Variants in CFAP47 observed in about 807,000 individuals in gnomAD.
CFAP47 encodes cilia- and flagella-associated protein 47.
Under a neutral mutation model 148.1 loss-of-function variants are expected in CFAP47, and 29 were observed. The ratio of observed to expected loss-of-function variants is 0.20; its 90% CI spans 0.15 to 0.27. The LOEUF (loss-of-function observed/expected upper bound fraction) is 0.27, where lower values mean the gene tolerates loss of function less well. Ranked by LOEUF, CFAP47 falls within the 10% of genes least tolerant of loss-of-function variation. CFAP47 has a pLI of 1.00. For missense variants in CFAP47, 1,872 were observed against 1,697.5 expected, an observed-to-expected ratio of 1.10 and a Z score of -1.81; for synonymous variants, 664 against 577.3, an observed-to-expected ratio of 1.15 and a Z score of -2.15.
At chrX:36,296,142 G>T (rs1312534188) in intron 51 of CFAP47, among the ~76,000 whole-genome samples, 1 of 111,545 alleles carries the variant, frequency 9.0e-6, no homozygotes, top group Non-Finnish European at 1.9e-5. Flanking sequence ...CATGGATATT[G>T]CAAGGATGCC....
intron 8 of CFAP47, among the ~76,000 whole-genome samples, chrX:35,960,237 G>C (rs1010360794): frequency 2.8e-5 from 3 of 107,244 alleles, no homozygotes; most frequent in African/African-American, 1.0e-4. Flanking sequence ...ACTGCGCCCG[G>C]CCTGTAATTA....
rs185309896 is a variant in CFAP47 at position 35,945,111 on chromosome X, G to C, written c.518-3203G>C. Reference sequence around the variant, plus strand: ...CATCATTTACTATCTGGGAGGCCCTGGGTAAGGAATTTGCACTTCCAAAAC... The same window carrying C: ...CATCATTTACTATCTGGGAGGCCCTCGGTAAGGAATTTGCACTTCCAAAAC... On this transcript the variant is annotated intron_variant, in intron 3 of 63. Coordinates refer to ENST00000378653, the MANE Select transcript of CFAP47 (RefSeq NM_001304548.2). Among the ~76,000 whole-genome samples the C allele has an allele frequency of 3.4e-4, 38 of 111,483 alleles. 2 individuals carry two copies. The Admixed American group carries it at 3.5e-3, about 10-fold the overall frequency.
intron 56 of CFAP47, among the ~76,000 whole-genome samples, chrX:36,315,697 C>A (rs1246790064): frequency 2.7e-5 from 3 of 111,793 alleles, no homozygotes; most frequent in East Asian, 5.6e-4. Flanking sequence ...CTATGGATGA[C>A]AGGAAGTGGT....
At chrX:36,122,640 C>G (rs867571507) in intron 33 of CFAP47, among the ~76,000 whole-genome samples, 1 of 111,681 alleles carries the variant, frequency 9.0e-6, no homozygotes, top group Middle Eastern at 4.6e-3. Context: ...CAGAATTCTA[C>G]TTGATTCTTT....
At chrX:35,938,613 A>ATG (rs1935952463) in intron 2 of CFAP47, among the ~76,000 whole-genome samples, 1 of 111,532 alleles carries the variant, frequency 9.0e-6, no homozygotes, top group Non-Finnish European at 1.9e-5. Context: ...CTTATTGCTT[A>ATG]TGTGAATCCC....
At chrX:36,118,061 A>T (rs1938672309) in intron 33 of CFAP47, among the ~76,000 whole-genome samples, 1 of 111,160 alleles carries the variant, frequency 9.0e-6, no homozygotes, top group African/African-American at 3.3e-5. Context: ...AGATATGTGG[A>T]TTTGTTTCTG....
At chrX:36,077,967 T>A (rs766979241) in intron 29 of CFAP47, among the ~76,000 whole-genome samples, 1 of 110,210 alleles carries the variant, frequency 9.1e-6, no homozygotes, top group South Asian at 3.9e-4. Flanking sequence ...AGGCGGAGGT[T>A]GCAGTGAGCT....
chrX:35,922,803 A>G (rs1207759677), intron 1 of CFAP47, among the ~76,000 whole-genome samples: 1 of 112,432 alleles, frequency 8.9e-6, no homozygotes, highest in Non-Finnish European at 1.9e-5. Flanking sequence ...ATCATTTTCA[A>G]CATAACCTCC....
intron 8 of CFAP47, among the ~76,000 whole-genome samples, chrX:35,958,671 A>G (rs1159472455): frequency 1.8e-5 from 2 of 111,876 alleles, no homozygotes; most frequent in East Asian, 5.6e-4. Context: ...GTCCATTTGT[A>G]TATTTTCTTT....
intron 29 of CFAP47, among the ~76,000 whole-genome samples, chrX:36,075,121 A>G (rs930034529): frequency 2.7e-5 from 3 of 111,355 alleles, no homozygotes; most frequent in Non-Finnish European, 5.7e-5. Flanking sequence ...ATTTACTTTA[A>G]ATAGATGCCC....
chrX:36,173,031 A>G (rs375654655), intron 39 of CFAP47, among the ~76,000 whole-genome samples: 19 of 110,067 alleles, frequency 1.7e-4, no homozygotes, highest in Non-Finnish European at 2.3e-4. Context: ...GTCTTGGGAG[A>G]GTGTATGTGT....
At chrX:36,189,208 C>G (rs1555986130) in intron 41 of CFAP47, among the ~76,000 whole-genome samples, 1 of 111,244 alleles carries the variant, frequency 9.0e-6, no homozygotes, top group Admixed American at 9.6e-5. Flanking sequence ...ATGGTTATCT[C>G]TCATACATCT....
chrX:36,005,701 A>AG (rs1379084753), intron 21 of CFAP47, among the ~76,000 whole-genome samples: 1 of 112,046 alleles, frequency 8.9e-6, no homozygotes, highest in Non-Finnish European at 1.9e-5. Flanking sequence ...TGGTGAAATG[A>AG]GGGGAATGCT....
At chrX:36,129,855 G>T (rs909254872) in intron 33 of CFAP47, among the ~76,000 whole-genome samples, 3 of 111,105 alleles carry the variant, frequency 2.7e-5, no homozygotes, top group African/African-American at 9.7e-5. Flanking sequence ...CAAGAGACTT[G>T]TATGAAGAAT....
At chrX:35,934,517 A>AT (rs1935881186) in intron 2 of CFAP47, among the ~76,000 whole-genome samples, 1 of 110,685 alleles carries the variant, frequency 9.0e-6, no homozygotes, top group Admixed American at 9.6e-5. Context: ...AAGGCCTGGA[A>AT]TCCGGGTCCC....
intron 20 of CFAP47, among the ~76,000 whole-genome samples, 180 bp from the exon 21 acceptor site, chrX:36,001,433 A>C (rs1043357532): frequency 3.6e-5 from 4 of 111,628 alleles, no homozygotes; most frequent in African/African-American, 1.3e-4. Context: ...TAATGAGTTT[A>C]CTGTCACTGT....
intron 39 of CFAP47, among the ~76,000 whole-genome samples, chrX:36,165,484 C>T (rs960665977): frequency 1.8e-5 from 2 of 111,550 alleles, no homozygotes; most frequent in African/African-American, 3.3e-5. Context: ...AGATTCACAA[C>T]GTGTTACTCT....
chrX:35,982,996 T>C (rs1415836489), intron 15 of CFAP47, among the ~76,000 whole-genome samples: 1 of 112,239 alleles, frequency 8.9e-6, no homozygotes, highest in Admixed American at 9.5e-5. Context: ...TTGTGAAGAA[T>C]GTCAGTGGTA....
At chrX:36,058,241 T>G (rs2146746113) in intron 26 of CFAP47, among the ~76,000 whole-genome samples, 1 of 112,148 alleles carries the variant, frequency 8.9e-6, no homozygotes, top group Admixed American at 9.5e-5. Context: ...TTATTACCTG[T>G]TTTTTGAGAA....
Sources: allele counts gnomAD v4.1 joint callset (sites outside exome capture counted in the v4.1 genomes callset), GRCh38; gene constraint gnomAD v4.1.1; transcripts MANE v1.5; gene names NCBI Gene and HGNC (gene_info 2026-07-23, HGNC 2026-07-21).